The following UBE2D3 variants were observed in gnomAD, a reference collection of about 807,000 sequenced individuals.
UBE2D3 encodes ubiquitin-conjugating enzyme E2 D3.
In UBE2D3, 2 loss-of-function variants were observed where a neutral mutation model predicts 22.8. The observed-to-expected ratio is 0.09, with a 90% CI of 0.04 to 0.28. The LOEUF (loss-of-function observed/expected upper bound fraction) is 0.28. Among genes scored for constraint, UBE2D3 ranks in the 10% least tolerant of loss-of-function variants. The pLI is 1.00. For missense variants in UBE2D3, 27 were observed against 182.5 expected (o/e 0.15, Z 4.91); for synonymous variants, 56 against 60.4 (o/e 0.93, Z 0.34).
At chr4:102,866,006 C>A (rs1733130329) in intron 1 of UBE2D3, among the ~76,000 whole-genome samples, 1 of 152,132 alleles carries the variant, frequency 6.6e-6, no homozygotes, top group African/African-American at 2.4e-5. Context: ...GCAATATTAT[C>A]TTTAGACCAT....
In UBE2D3 at chr4:102,795,539, A is replaced by C. The variant is rs536183897; in HGVS notation, c.*1876T>G. On this transcript the variant is annotated 3_prime_UTR_variant, in exon 8 of 8. Transcript: ENST00000453744. ...TTTAAGCAAAACACAAAATGAAAAAATTCACTCATTGGAAAAACTGCGTAG... is the reference window on the plus strand; with the variant it reads ...TTTAAGCAAAACACAAAATGAAAAACTTCACTCATTGGAAAAACTGCGTAG... 3 of 152,204 alleles carry C rather than the reference A, an allele frequency of 2.0e-5. No individual in the cohort carries two copies. Among genetic ancestry groups the C allele is most frequent in the East Asian group, 3.9e-4 (2 of 5,192 alleles). The allele number at this position is 152,204 out of a possible 1,614,324, so 9.4% of individuals were successfully genotyped here.
chr4:102,860,014 T>G (rs893809277), intron 1 of UBE2D3, among the ~76,000 whole-genome samples: 47 of 151,878 alleles, frequency 3.1e-4, no homozygotes, highest in African/African-American at 1.0e-3. Flanking sequence ...CCTGGCTAAT[T>G]TTTTTTGTAA....
intron 2 of UBE2D3, among the ~76,000 whole-genome samples, chr4:102,818,825 G>A (rs1468722715): frequency 1.3e-5 from 2 of 152,216 alleles, no homozygotes; most frequent in African/African-American, 4.8e-5. Context: ...TTATCTTGAG[G>A]AAGACCTTTA....
chr4:102,823,814 G>A (rs1730011194), intron 2 of UBE2D3, among the ~76,000 whole-genome samples: 1 of 152,178 alleles, frequency 6.6e-6, no homozygotes, highest in African/African-American at 2.4e-5. Context: ...TCAAAAGCTC[G>A]ATCAAATGGA....
At chr4:102,853,135 A>AT (rs151339235) in intron 1 of UBE2D3, among the ~76,000 whole-genome samples, 1,724 of 88,520 alleles carry the variant, frequency 0.019, 128 homozygotes, top group Non-Finnish European at 0.027. Flanking sequence ...AAACACACAC[A>AT]TTTTTTTTTT....
At chr4:102,856,315 T>A (rs894723708) in intron 1 of UBE2D3, among the ~76,000 whole-genome samples, 1 of 152,164 alleles carries the variant, frequency 6.6e-6, no homozygotes, top group African/African-American at 2.4e-5. Flanking sequence ...TGCAGTGAGC[T>A]GAGATTGCGC....
At chr4:102,849,740 G>C (rs1463434709) in intron 1 of UBE2D3, among the ~76,000 whole-genome samples, 1 of 152,140 alleles carries the variant, frequency 6.6e-6, no homozygotes. Flanking sequence ...CACTACATTC[G>C]CATCAGAATG....
At chr4:102,824,208 A>G (rs1730080048) in intron 2 of UBE2D3, among the ~76,000 whole-genome samples, 2 of 152,256 alleles carry the variant, frequency 1.3e-5, no homozygotes, top group Non-Finnish European at 2.9e-5. Flanking sequence ...TGTTGTGTCT[A>G]TATTACATAA....
chr4:102,811,646 TG>T (rs1206616708), intron 2 of UBE2D3: 12 of 333,936 alleles, frequency 3.6e-5, no homozygotes, highest in South Asian at 2.3e-4. Context: ...CACTCCAGCC[TG>T]GGGAAAAGAG....
At chr4:102,828,199 C>T, upstream of UBE2D3, 1 of 985,390 alleles carries the variant, frequency 1.0e-6, no homozygotes, top group Non-Finnish European at 1.2e-6. Context: ...AGAGCGCGCG[C>T]AGACACAGCC....
intron 1 of UBE2D3, among the ~76,000 whole-genome samples, chr4:102,855,113 G>A (rs2110372417): frequency 6.6e-6 from 1 of 152,290 alleles, no homozygotes; most frequent in South Asian, 2.1e-4. Context: ...GCTGGATTGT[G>A]GATTTCAACA....
intron 4 of UBE2D3, among the ~76,000 whole-genome samples, chr4:102,805,492 ATTCT>A (rs1164975882): frequency 3.4e-5 from 5 of 145,474 alleles, no homozygotes; most frequent in Non-Finnish European, 7.5e-5. Context: ...AAACGTTGGT[ATTCT>A]TTTTTTTTTT....
intron 1 of UBE2D3, among the ~76,000 whole-genome samples, chr4:102,860,826 A>G (rs1302440822): frequency 2.6e-5 from 4 of 151,578 alleles, no homozygotes; most frequent in Non-Finnish European, 5.9e-5. Flanking sequence ...GCTGCTGGCT[A>G]GTGGGTGGGT....
In UBE2D3 at chr4:102,861,279, G is replaced by A. The variant is rs147701117; in HGVS notation, c.-129+7436C>T. On this transcript the variant is annotated intron_variant, in intron 1 of 7. Coordinates refer to the UBE2D3 transcript ENST00000338145. ...TTCTTGAGTTTTTCATTCTACTGGG[G>A]TGCTGGAACCTCTTAGCAGGTCTCC... 4.6e-3 allele frequency among the ~76,000 whole-genome samples: 695 copies of A among 151,924 alleles called. 12 individuals are homozygous for A. Among genetic ancestry groups the A allele is most frequent in the Non-Finnish European group, 7.6e-3 (516 of 67,836 alleles).
chr4:102,853,174 G>A (rs1732458257), intron 1 of UBE2D3, among the ~76,000 whole-genome samples: 1 of 100,998 alleles, frequency 9.9e-6, no homozygotes, highest in Non-Finnish European at 1.8e-5. Context: ...ACGGAGTTTC[G>A]CTCTGTCGCC....
chr4:102,814,527 T>C (rs1188379059), intron 2 of UBE2D3, among the ~76,000 whole-genome samples: 2 of 148,878 alleles, frequency 1.3e-5, no homozygotes, highest in Non-Finnish European at 3.0e-5. Context: ...GATCTCGAAA[T>C]CCTGACCTCA....
chr4:102,860,098 C>T (rs1026869203), intron 1 of UBE2D3, among the ~76,000 whole-genome samples: 14 of 152,162 alleles, frequency 9.2e-5, no homozygotes, highest in Non-Finnish European at 1.0e-4. Flanking sequence ...CCACACGCCT[C>T]GGCCTCCCAA....
intron 2 of UBE2D3, among the ~76,000 whole-genome samples, chr4:102,817,931 T>C (rs1165197492): frequency 1.3e-5 from 2 of 152,172 alleles, no homozygotes; most frequent in Non-Finnish European, 2.9e-5. Context: ...TTTCACAGGC[T>C]TCAGGGACAA....
intron 6 of UBE2D3, among the ~76,000 whole-genome samples, chr4:102,800,329 T>C (rs780977871): frequency 2.0e-5 from 3 of 151,974 alleles, no homozygotes; most frequent in East Asian, 1.9e-4. Context: ...GAATATAAAA[T>C]TACCTAATAT....
Sources: gnomAD v4.1 joint callset for allele counts (sites outside exome capture counted in the v4.1 genomes callset) on GRCh38, gnomAD v4.1.1 for gene constraint, MANE v1.5 for transcripts, NCBI Gene and HGNC (gene_info 2026-07-23, HGNC 2026-07-21) for gene names.